DMXL2: variants seen among roughly 807,000 people sequenced by gnomAD.
DMXL2 encodes Dmx like 2.
Under a neutral mutation model 331.1 loss-of-function variants are expected in DMXL2, and 103 were observed. The observed-to-expected ratio is 0.31, with a 90% CI of 0.27 to 0.37. The LOEUF is 0.37. DMXL2 is among the 10% of genes least tolerant of loss of function. The probability of loss-of-function intolerance (pLI) is 1.00; values close to 1 mark genes in which losing one functional copy is unlikely to be tolerated. For missense variants in DMXL2, 3,171 were observed against 3,642.9 expected, an observed-to-expected ratio of 0.87 and a Z score of 3.33; for synonymous variants, 1,281 against 1,252.1, an observed-to-expected ratio of 1.02 and a Z score of -0.49.
At chr15:51,510,991 T>A (rs548302545) in intron 15 of DMXL2, among the ~76,000 whole-genome samples, 2 of 152,322 alleles carry the variant, frequency 1.3e-5, no homozygotes, top group African/African-American at 4.8e-5. Context: ...GCTTGCCACA[T>A]GCAGAAAACT....
chr15:51,476,366 T>C (rs757695197), intron 27 of DMXL2, among the ~76,000 whole-genome samples: 1 of 152,172 alleles, frequency 6.6e-6, no homozygotes, highest in African/African-American at 2.4e-5. Context: ...TTTTTTATGT[T>C]GGTTAACATA....
chr15:51,587,154 T>C (rs1682957363), intron 1 of DMXL2, among the ~76,000 whole-genome samples: 1 of 152,204 alleles, frequency 6.6e-6, no homozygotes, highest in Non-Finnish European at 1.5e-5. Flanking sequence ...AATAGCTACT[T>C]CTAAAGAAAT....
intron 13 of DMXL2, among the ~76,000 whole-genome samples, chr15:51,528,740 GA>G: frequency 6.6e-6 from 1 of 151,694 alleles, no homozygotes; most frequent in South Asian, 2.1e-4. Flanking sequence ...AGAAACATCA[GA>G]CTTAATCTGT....
At chr15:51,512,137 G>A (rs1328230989) in intron 15 of DMXL2, among the ~76,000 whole-genome samples, 1 of 151,920 alleles carries the variant, frequency 6.6e-6, no homozygotes, top group Non-Finnish European at 1.5e-5. Flanking sequence ...ACATGTATAC[G>A]TATGTAACAA....
intron 33 of DMXL2, among the ~76,000 whole-genome samples, chr15:51,461,652 G>A (rs1309404786): frequency 6.6e-6 from 1 of 152,060 alleles, no homozygotes; most frequent in African/African-American, 2.4e-5. Context: ...CTGGGCTCAA[G>A]CAATCCTCCT....
intron 26 of DMXL2, among the ~76,000 whole-genome samples, chr15:51,477,973 T>C (rs2041718907): frequency 6.6e-6 from 1 of 152,078 alleles, no homozygotes; most frequent in African/African-American, 2.4e-5. Context: ...GAAAAACAAT[T>C]AGAAAATTTC....
At chr15:51,607,645 CCAAG>C (rs1173489983) in intron 1 of DMXL2, among the ~76,000 whole-genome samples, 2 of 151,914 alleles carry the variant, frequency 1.3e-5, no homozygotes, top group Non-Finnish European at 2.9e-5. Context: ...TTGAAAACTC[CCAAG>C]CAGATTTTTT....
At chr15:51,553,289 A>G (rs1476037681) in intron 6 of DMXL2, among the ~76,000 whole-genome samples, 1 of 152,228 alleles carries the variant, frequency 6.6e-6, no homozygotes, top group African/African-American at 2.4e-5. Context: ...AATATCTGCT[A>G]AACATGTGAA....
At chr15:51,487,894 C>T (rs1338990661) in intron 22 of DMXL2, 60 bp downstream of exon 22, 18 of 1,399,786 alleles carry the variant, frequency 1.3e-5, no homozygotes, top group Non-Finnish European at 1.7e-5. Context: ...ATCTCCTCTA[C>T]AACCTTCTTA....
chr15:51,568,099 G>T (rs78821004), intron 3 of DMXL2: 1 of 164,858 alleles, frequency 6.1e-6, no homozygotes, highest in Non-Finnish European at 1.3e-5. Flanking sequence ...AAAAGAGAGA[G>T]AAATATGGAA....
intron 6 of DMXL2, among the ~76,000 whole-genome samples, chr15:51,553,141 C>T (rs2049325283): frequency 6.6e-6 from 1 of 152,172 alleles, no homozygotes; most frequent in South Asian, 2.1e-4. Flanking sequence ...CTGGACAGCA[C>T]TTGTTAATAC....
rs775281256 is a variant in DMXL2 at position 51,535,657 on chromosome 15, A to G, written c.2436+6T>C. On this transcript the variant is annotated splice_donor_region_variant and intron_variant, in intron 13 of 43. Coordinates refer to ENST00000560891, the MANE Select transcript of DMXL2 (RefSeq NM_001378457.1). ...GATAAATTAATAAAGATTATTAAAT[A>G]CTTACTGAAGATTCTGGGTCTGACA... The G allele has an allele frequency of 6.3e-7, 1 of 1,588,312 alleles. No individual in the cohort carries two copies. The highest frequency in any genetic ancestry group is 8.5e-7 in the Non-Finnish European group (1 of 1,169,776).
In DMXL2 at chr15:51,542,478, T is replaced by C; in HGVS notation, c.960A>G (p.Lys320=). ...CAAGAACAGATGACCTCCTCTGTCC[T>C]TTCCTTAAATTTTTCAAATGGTGTA... ...ETIHHLKNLR[K]GQRRSSVLVT... Residue 320 remains lysine, a synonymous_variant, in exon 9 of 44, where the codon AAA becomes AAG. Transcript: ENST00000560891. 1.2e-6 allele frequency: 2 copies of C among 1,611,932 alleles called. No individual in the cohort carries two copies. Among genetic ancestry groups the C allele is most frequent in the Non-Finnish European group, 1.7e-6 (2 of 1,178,772 alleles).
rs749113926 is a variant in DMXL2, at chr15:51,536,910, CAA to C, written c.1618-50_1618-49del. ...TCAGTGCAAATAGTTTACCTCCTCT[CAA>C]AAAAAAGACTTCTATTCTCAAAATA... is the stretch of plus-strand genomic sequence containing the variant. On this transcript the variant is annotated intron_variant, in intron 11 of 43. Transcript: ENST00000560891. 4.9e-6 allele frequency: 7 copies of C among 1,429,732 alleles called. No individual in the cohort carries two copies. The African/African-American group carries it at 8.6e-5, about 18-fold the overall frequency. 88.6% of individuals were successfully genotyped at this position (1,429,732 alleles called of 1,614,324 possible).
chr15:51,455,110 T>A, intron 40 of DMXL2, 41 bp downstream of exon 40: 1 of 1,447,690 alleles, frequency 6.9e-7, no homozygotes, highest in South Asian at 1.1e-5. Context: ...ATGAACAAAG[T>A]GTTGTGTATA....
intron 13 of DMXL2, among the ~76,000 whole-genome samples, chr15:51,531,073 A>G: frequency 6.6e-6 from 1 of 152,206 alleles, no homozygotes; most frequent in African/African-American, 2.4e-5. Flanking sequence ...AGAATAGCCA[A>G]AGCTATCCTA....
rs77973860 is a variant in DMXL2 at position 51,493,957 on chromosome 15, C to T, written c.4783+1067G>A. Among the ~76,000 whole-genome samples, 59 of 151,996 alleles carry T rather than the reference C, an allele frequency of 3.9e-4. No homozygotes were observed. The East Asian group carries it at 9.1e-3, about 23-fold the overall frequency. ...TTTCAATTTTTGTTGGTACGTAGTA[C>T]GTGTATACAAACTTCTGGGAATGTA... On this transcript the variant is annotated intron_variant, in intron 19 of 43. Transcript: ENST00000560891.
Position 51,622,448 on chromosome 15 carries a change from C to T in DMXL2, c.87+11G>A. 2 of 1,556,464 alleles carry T rather than the reference C, an allele frequency of 1.3e-6. No individual in the cohort carries two copies. Among genetic ancestry groups the T allele is most frequent in the Non-Finnish European group, 1.7e-6 (2 of 1,149,756 alleles). On this transcript the variant is annotated intron_variant, in intron 1 of 43. Coordinates refer to ENST00000560891, the MANE Select transcript of DMXL2 (RefSeq NM_001378457.1). ...TGGTATCTTCCCCTAGGGCTCCCGG[C>T]CGCCGCTCACCGTGAAGGGGACATC...
chr15:51,547,873 T>C (rs1468840171), intron 6 of DMXL2, among the ~76,000 whole-genome samples: 1 of 152,170 alleles, frequency 6.6e-6, no homozygotes, highest in Non-Finnish European at 1.5e-5. Flanking sequence ...CAAATTTTTC[T>C]GCAAAGGGCC....
Sources: allele counts gnomAD v4.1 joint callset (sites outside exome capture counted in the v4.1 genomes callset), GRCh38; gene constraint gnomAD v4.1.1; transcripts MANE v1.5; gene names NCBI Gene and HGNC (gene_info 2026-07-23, HGNC 2026-07-21).